Variants in COL1A2 observed in about 807,000 individuals in gnomAD.
COL1A2 encodes collagen type I alpha 2 chain, also known as collagen alpha-2(I) chain.
In COL1A2, 49 loss-of-function variants were observed where a neutral mutation model predicts 174.3. The observed-to-expected ratio is 0.28, with a 90% CI of 0.22 to 0.36. The LOEUF (loss-of-function observed/expected upper bound fraction) is 0.36, where lower values mean the gene tolerates loss of function less well. Ranked by LOEUF, COL1A2 falls within the 10% of genes least tolerant of loss-of-function variation. COL1A2 has a pLI of 1.00. For synonymous variants in COL1A2, 655 were observed against 606.6 expected, an observed-to-expected ratio of 1.08 and a Z score of -1.17; for missense variants, 1,438 against 1,822.7, an observed-to-expected ratio of 0.79 and a Z score of 3.84.
At chr7:94,425,344 T>C (rs1792251371) in intron 42 of COL1A2, 120 bp downstream of exon 42, 6 of 978,640 alleles carry the variant, frequency 6.1e-6, no homozygotes, top group South Asian at 5.6e-5. Flanking sequence ...AGCTTCTCCA[T>C]AGTATCTACA....
Position 94,409,197 on chromosome 7 carries a change from G to T in COL1A2, c.793-125G>T, listed in dbSNP as rs1345268337. 1.1e-5 allele frequency: 10 copies of T among 950,246 alleles called. No individual in the cohort carries two copies. The East Asian group carries it at 2.2e-4, about 20-fold the overall frequency. The allele number at this position is 950,246 out of a possible 1,614,324, so 58.9% of individuals were successfully genotyped here. ...CCAAACTCAAATCTTGTAATAAAAC[G>T]GATAAGAAAAATAATTGCAATTTTG... On this transcript the variant is annotated intron_variant, in intron 16 of 51. Transcript: ENST00000297268.
Position 94,405,696 on chromosome 7 carries a change from T to G in COL1A2, c.510T>G (p.Thr170=). 6.2e-7 allele frequency: 1 copy of G among 1,613,610 alleles called. No individual in the cohort carries two copies. Among genetic ancestry groups the G allele is most frequent in the Non-Finnish European group, 8.5e-7 (1 of 1,179,514 alleles). The change falls in exon 11 of 52, where the codon ACT becomes ACG. Residue 170 remains threonine (T), a synonymous_variant. Coordinates refer to ENST00000297268, the MANE Select transcript of COL1A2 (RefSeq NM_000089.4). ...AGGGTGCTCGTGGTTTCCCTGGAAC[T>G]CCTGGACTTCCTGGCTTCAAAGGCA... ...GPQGARGFPG[T]PGLPGFKGIR... is the part of the protein sequence containing the mutation.
intron 1 of COL1A2, 85 bp from the exon 2 acceptor site, chr7:94,397,663 T>A: frequency 1.3e-6 from 1 of 780,014 alleles, no homozygotes; most frequent in South Asian, 1.6e-5. Flanking sequence ...TCTATAAACT[T>A]GTTTCTCTAT....
At chr7:94,422,769 A>G (rs1326083897) in intron 39 of COL1A2, 188 bp from the exon 40 acceptor site, 11 of 713,894 alleles carry the variant, frequency 1.5e-5, no homozygotes, top group Non-Finnish European at 2.6e-5. Flanking sequence ...CAGCCTCATA[A>G]AGGAAGACAG....
chr7:94,429,230 A>C lies in COL1A2; in HGVS notation c.3754A>C (p.Thr1252Pro), dbSNP rs761465504. The change falls in exon 51 of 52, where the codon ACC becomes CCC. Residue 1252 changes from threonine to proline, a missense_variant. Thr to Pro is a conservative substitution (Grantham distance 38). This residue lies in a region of COL1A2 where 290 missense variants were observed against 298.1 expected (regional missense o/e 0.97). Transcript: ENST00000297268. ...AGGAGTGACTTCCAAGGAAATGGCT[A>C]CCCAACTTGCCTTCATGCGCCTGCT... ...VEGVTSKEMA[T>P]QLAFMRLLAN... is the part of the protein sequence containing the mutation. 5 of 1,612,620 alleles carry C rather than the reference A, an allele frequency of 3.1e-6. No individual in the cohort carries two copies. The African/African-American group carries it at 6.7e-5, about 22-fold the overall frequency.
At chr7:94,405,952 T>C (rs1468911810) in intron 11 of COL1A2, among the ~76,000 whole-genome samples, 1 of 152,182 alleles carries the variant, frequency 6.6e-6, no homozygotes, top group Non-Finnish European at 1.5e-5. Flanking sequence ...GAAAATTATA[T>C]AGAACATGTA....
Position 94,425,227 on chromosome 7 carries a change from G to A in COL1A2, c.2781+3G>A, listed in dbSNP as rs1392166901. 1 of 1,612,270 alleles carries A rather than the reference G, an allele frequency of 6.2e-7. No individual in the cohort carries two copies. The highest frequency in any genetic ancestry group is 8.5e-7 in the Non-Finnish European group (1 of 1,178,466). On this transcript the variant is annotated splice_donor_region_variant and intron_variant, in intron 42 of 51. Coordinates refer to ENST00000297268, the MANE Select transcript of COL1A2 (RefSeq NM_000089.4). ...CTCCTGGTGAAGCTGGTCGTGATGTGAGTCCAACACTTGGTTTGTAAAATA... is the reference window on the plus strand; with the variant it reads ...CTCCTGGTGAAGCTGGTCGTGATGTAAGTCCAACACTTGGTTTGTAAAATA...
Position 94,410,516 on chromosome 7 carries a change from C to T in COL1A2, c.1186C>T (p.Pro396Ser), listed in dbSNP as rs886062515. ...TGGATCTGCCGGCCCTCCAGGACCT[C>T]CTGGGCTGAGAGTAGGTTTCAAATG... ...EAGSAGPPGP[P>S]GLRGSPGSRG... Residue 396 changes from proline to serine, a missense_variant, in exon 21 of 52, where the codon CCT becomes TCT. Pro to Ser is a moderately conservative substitution (Grantham distance 74). This residue lies in a region of COL1A2 where 867 missense variants were observed against 1,213.7 expected (regional missense o/e 0.71). Transcript: ENST00000297268. 1.3e-6 allele frequency: 2 copies of T among 1,549,574 alleles called. No homozygotes were observed. Among genetic ancestry groups the T allele is most frequent in the Non-Finnish European group, 1.7e-6 (2 of 1,146,834 alleles).
At chr7:94,420,341 T>C (rs757080775) in intron 35 of COL1A2, 50 bp from the exon 36 acceptor site, 2 of 1,613,988 alleles carry the variant, frequency 1.2e-6, no homozygotes, top group East Asian at 4.5e-5. Context: ...GTTTAGACAT[T>C]GATGAACCTA....
chr7:94,415,422 G>T (rs80087999), intron 30 of COL1A2, 152 bp downstream of exon 30: 1 of 699,046 alleles, frequency 1.4e-6, no homozygotes, highest in Non-Finnish European at 2.5e-6. Context: ...AGATTTCTAA[G>T]TTGATAGTAG....
chr7:94,397,694 T>A, intron 1 of COL1A2, 54 bp from the exon 2 acceptor site: 1 of 997,038 alleles, frequency 1.0e-6, no homozygotes, highest in Admixed American at 1.8e-5. Flanking sequence ...TTGCTATTGA[T>A]CCATGAAGTG....
chr7:94,408,704 G>A (rs1269690637), intron 15 of COL1A2, 66 bp from the exon 16 acceptor site: 4 of 1,542,954 alleles, frequency 2.6e-6, no homozygotes, highest in Non-Finnish European at 3.6e-6. Flanking sequence ...TCAATCTTCT[G>A]CCATTGTTAT....
chr7:94,408,161 T>C lies in COL1A2; in HGVS notation c.640-22T>C, dbSNP rs756711269. 1.9e-6 allele frequency: 3 copies of C among 1,613,068 alleles called. No homozygotes were observed. The East Asian group carries it at 6.7e-5, about 36-fold the overall frequency. ...TTTTAAATTAGCATTCTGGATTTTA[T>C]TGAAAATATTTCTGCTTCTAGGGAG... is the stretch of plus-strand genomic sequence containing the variant. On this transcript the variant is annotated intron_variant, in intron 13 of 51. Transcript: ENST00000297268.
chr7:94,422,546 A>G (rs1272310279), intron 39 of COL1A2: 1 of 195,652 alleles, frequency 5.1e-6, no homozygotes, highest in African/African-American at 2.4e-5. Context: ...CTCAATTATG[A>G]ACAAAACACG....
At chr7:94,427,586 C>G (rs423857) in intron 48 of COL1A2, 41 bp from the exon 49 acceptor site, 1 of 1,612,454 alleles carries the variant, frequency 6.2e-7, no homozygotes. Context: ...CTCACTGTAA[C>G]AAAATATAAA....
intron 33 of COL1A2, 182 bp from the exon 34 acceptor site, chr7:94,419,314 CTG>C: frequency 1.6e-6 from 1 of 639,740 alleles, no homozygotes; most frequent in Non-Finnish European, 2.8e-6. Flanking sequence ...TACCCTCCTT[CTG>C]AGAGTGGCTT....
rs405946 is a variant in COL1A2 at position 94,404,360 on chromosome 7, A to T, written c.280-196A>T. Among the ~76,000 whole-genome samples, 26,909 of 152,190 alleles carry T rather than the reference A, an allele frequency of 0.18. 2,530 individuals are homozygous for T. The highest frequency in any genetic ancestry group is 0.3 in the Admixed American group (4,552 of 15,288). Reference sequence around the variant, plus strand: ...TAATTCTCATTGATTTCTGTTGATAAGGATTGGGAGAAAAGGAAAAGCAAA... The same window carrying T: ...TAATTCTCATTGATTTCTGTTGATATGGATTGGGAGAAAAGGAAAAGCAAA... On this transcript the variant is annotated intron_variant, in intron 6 of 51. Coordinates refer to ENST00000297268, the MANE Select transcript of COL1A2 (RefSeq NM_000089.4).
At chr7:94,395,768 T>C (rs1380228328) in intron 1 of COL1A2, among the ~76,000 whole-genome samples, 1 of 152,200 alleles carries the variant, frequency 6.6e-6, no homozygotes, top group Non-Finnish European at 1.5e-5. Context: ...CAGTGAACCC[T>C]GGAAAGAAGA....
At chr7:94,428,204 T>G in intron 49 of COL1A2, 89 bp from the exon 50 acceptor site, 1 of 1,156,838 alleles carries the variant, frequency 8.6e-7, no homozygotes, top group Non-Finnish European at 1.3e-6. Flanking sequence ...ATGTTACTTA[T>G]GAGAGTCAGT....
Sources: allele counts gnomAD v4.1 joint callset (sites outside exome capture counted in the v4.1 genomes callset), GRCh38; gene constraint gnomAD v4.1.1; regional missense constraint gnomAD v4.1.1; transcripts MANE v1.5; gene names NCBI Gene and HGNC (gene_info 2026-07-23, HGNC 2026-07-21).